The following NABP1 variants were observed in gnomAD, a reference collection of about 807,000 sequenced individuals.
The protein encoded by NABP1 is SOSS complex subunit B2.
NABP1 carries 18 observed loss-of-function variants against 25.0 expected under a neutral mutation model. The ratio of observed to expected loss-of-function variants is 0.72; its 90% CI spans 0.50 to 1.07. The LOEUF is 1.07. Among genes scored for constraint, NABP1 ranks in the 50% least tolerant of loss-of-function variants. NABP1 has a pLI of 0.00. For missense variants in NABP1, 270 were observed against 255.6 expected, an observed-to-expected ratio of 1.06 and a Z score of -0.39; for synonymous variants, 71 against 85.0, an observed-to-expected ratio of 0.84 and a Z score of 0.91.
chr2:191,680,882 G>A lies in NABP1; in HGVS notation c.231-1064G>A, dbSNP rs550952681. ...AACAACACACTCAGCTTGGAGTCTGGCTCATTCTAAGGCCCTTAAATTCTG... is the reference window on the plus strand; with the variant it reads ...AACAACACACTCAGCTTGGAGTCTGACTCATTCTAAGGCCCTTAAATTCTG... On this transcript the variant is annotated intron_variant, in intron 2 of 5. Transcript: ENST00000425611. Among the ~76,000 whole-genome samples, 6 of 152,212 alleles carry A rather than the reference G, an allele frequency of 3.9e-5. No individual in the cohort carries two copies. The South Asian group carries it at 1.2e-3, about 32-fold the overall frequency.
In NABP1 at chr2:191,683,716, T is replaced by A; in HGVS notation, c.303-13T>A. 6.2e-7 allele frequency: 1 copy of A among 1,602,644 alleles called. No homozygotes were observed. The highest frequency in any genetic ancestry group is 8.5e-7 in the Non-Finnish European group (1 of 1,171,144). The stretch of plus-strand genomic sequence containing the variant: ...TTCAGAAGTCATTTAATTTTTTCTT[T>A]ATTTTCTTTCAGATTTTGTATGGTT... On this transcript the variant is annotated splice_polypyrimidine_tract_variant and intron_variant, in intron 3 of 5. Coordinates refer to ENST00000425611, the MANE Select transcript of NABP1 (RefSeq NM_001031716.5). This position sits in a 1 kb window ranked among gnomAD's most constrained non-coding sequence, Gnocchi z 4.1.
In NABP1 at chr2:191,683,750, AG is replaced by A; in HGVS notation, c.325del (p.Val109CysfsTer28). On this transcript the variant is annotated frameshift_variant, in exon 4 of 6. Coordinates refer to ENST00000425611, the MANE Select transcript of NABP1 (RefSeq NM_001031716.5). LOFTEE classifies it high-confidence loss of function. The surrounding 1 kb of genome is among the most constrained non-coding windows in gnomAD (Gnocchi z 4.1). The stretch of plus-strand genomic sequence containing the variant: ...TCAGATTTTGTATGGTTTATTCAGA[AG>A]TGCCAAATTTCAGTGAACCCAACCC... ...IGEFCMVYSE[V>X]PNFSEPNPDY... 1 of 1,611,420 alleles carries A rather than the reference AG, an allele frequency of 6.2e-7. No homozygotes were observed. The highest frequency in any genetic ancestry group is 1.1e-5 in the South Asian group (1 of 90,214).
At chr2:191,679,150 G>A in intron 2 of NABP1, 22 bp downstream of exon 2, 5 of 1,613,998 alleles carry the variant, frequency 3.1e-6, no homozygotes, top group Non-Finnish European at 4.2e-6. Context: ...AAAAAGTCGG[G>A]GGACCTAACA....
chr2:191,682,300 AT>A (rs1687708445), intron 3 of NABP1: 1 of 378,858 alleles, frequency 2.6e-6, no homozygotes, highest in African/African-American at 2.1e-5. Context: ...AGAAATGTGC[AT>A]TTTTTAGGTG....
rs780776107 is a variant in NABP1 at position 191,678,714 on chromosome 2, G to A, written c.91+9G>A. 3.1e-6 allele frequency: 5 copies of A among 1,610,126 alleles called. No individual in the cohort carries two copies. The highest frequency in any genetic ancestry group is 3.4e-5 in the Admixed American group (2 of 59,696). On this transcript the variant is annotated intron_variant, in intron 1 of 5. Coordinates refer to ENST00000425611, the MANE Select transcript of NABP1 (RefSeq NM_001031716.5). ...TATTGTCCTGGAGATAGGTAAGTGG[G>A]GTTTGCAGCCTACTCCACCGCCCGC...
chr2:191,679,852 A>C (rs929378349), intron 2 of NABP1, among the ~76,000 whole-genome samples: 3 of 152,228 alleles, frequency 2.0e-5, no homozygotes, highest in Admixed American at 1.3e-4. Flanking sequence ...TGTTATTTAG[A>C]AATGTGGACA....
rs1002693482 is a variant in NABP1, at chr2:191,686,009, G to C, written c.*241G>C. The C allele has an allele frequency of 7.7e-6, 3 of 388,626 alleles. No homozygotes were observed. The highest frequency in any genetic ancestry group is 1.4e-5 in the Non-Finnish European group (3 of 216,682). The allele number at this position is 388,626 out of a possible 1,614,324, so 24.1% of individuals were successfully genotyped here. ...TTATTTTTAGAGTAAAAAGATTATT[G>C]GATAGCCTTTAAAAAACCTGCACCC... On this transcript the variant is annotated 3_prime_UTR_variant, in exon 6 of 6. Transcript: ENST00000425611.
chr2:191,678,785 C>A (rs191533452), intron 1 of NABP1, 80 bp downstream of exon 1: 28 of 1,379,354 alleles, frequency 2.0e-5, no homozygotes, highest in Non-Finnish European at 2.8e-5. Context: ...GCTGCGCGCC[C>A]GGGGCTCCCC....
chr2:191,683,469 T>G lies in NABP1; in HGVS notation c.303-260T>G. On this transcript the variant is annotated intron_variant, in intron 3 of 5. Transcript: ENST00000425611. This position sits in a 1 kb window ranked among gnomAD's most constrained non-coding sequence, Gnocchi z 4.1. Reference sequence around the variant, plus strand: ...ACAGAGATGTTTTTGTGTCCTTGATTTTTGATGTGATTTTTTTTTCAGCAC... The same window carrying G: ...ACAGAGATGTTTTTGTGTCCTTGATGTTTGATGTGATTTTTTTTTCAGCAC... 1 of 360,754 alleles carries G rather than the reference T, an allele frequency of 2.8e-6. No individual in the cohort carries two copies. The allele number at this position is 360,754 out of a possible 1,614,324, so 22.3% of individuals were successfully genotyped here. A position where few individuals can be genotyped will look rare whatever the true frequency, so the allele number is the denominator to read the frequency against.
chr2:191,682,366 G>A (rs1464394675), intron 3 of NABP1: 2 of 370,420 alleles, frequency 5.4e-6, no homozygotes, highest in African/African-American at 4.3e-5. Flanking sequence ...CATATACGAA[G>A]CTAGTGATTC....
rs1448495368 is a variant in NABP1, at chr2:191,683,308, A to G, written c.303-421A>G. On this transcript the variant is annotated intron_variant, in intron 3 of 5. Transcript: ENST00000425611. The surrounding 1 kb of genome is among the most constrained non-coding windows in gnomAD (Gnocchi z 4.1). The stretch of plus-strand genomic sequence containing the variant: ...TTTGCAGATCCACAGTGATCGATCA[A>G]AAGAGGGACTGAATGGGAGTGGGTG... 1 of 215,904 alleles carries G rather than the reference A, an allele frequency of 4.6e-6. No homozygotes were observed. Among genetic ancestry groups the G allele is most frequent in the Admixed American group, 5.4e-5 (1 of 18,578 alleles). The allele number at this position is 215,904 out of a possible 1,614,324, so 13.4% of individuals were successfully genotyped here.
rs138402221 is a variant in NABP1, at chr2:191,679,115, C to T, written c.217C>T (p.Arg73Trp). The T allele has an allele frequency of 2.0e-5, 33 of 1,613,944 alleles. No individual in the cohort carries two copies. The highest frequency in any genetic ancestry group is 2.7e-5 in the Non-Finnish European group (32 of 1,180,014). ...TCTTATACAGCCAGGGGATATTATT[C>T]GGTTGACCAGAGGGTAGGTGTGCAA... ...GGLIQPGDIIRLTRGYASMWK... is the reference protein window; with the variant it reads ...GGLIQPGDIIWLTRGYASMWK... The change falls in exon 2 of 6, where the codon CGG becomes TGG. Residue 73 changes from arginine to tryptophan, a missense_variant. Physicochemically the swap from Arg to Trp is moderately radical, Grantham distance 101. Transcript: ENST00000425611.
rs180775210 is a variant in NABP1, at chr2:191,681,850, C to A, written c.231-96C>A. 1.2e-4 allele frequency: 88 copies of A among 747,776 alleles called. No individual in the cohort carries two copies. The African/African-American group carries it at 1.6e-3, about 13-fold the overall frequency. 46.3% of individuals were successfully genotyped at this position (747,776 alleles called of 1,614,324 possible). On this transcript the variant is annotated intron_variant, in intron 2 of 5. Transcript: ENST00000425611. ...AGAGAGGGCTTGATCCTCACTTCTA[C>A]CTTAATACAAAAAATATATAGTGTG...
intron 5 of NABP1, chr2:191,685,025 A>G (rs926301789): frequency 6.6e-6 from 1 of 152,116 alleles, no homozygotes; most frequent in East Asian, 1.9e-4. Context: ...GCTAATTTTT[A>G]TATTTTTAAT....
intron 3 of NABP1, chr2:191,682,424 G>GAAT: frequency 2.2e-6 from 1 of 446,582 alleles, no homozygotes; most frequent in South Asian, 1.6e-5. Context: ...TATGGTTATG[G>GAAT]GTGAATATGT....
intron 2 of NABP1, among the ~76,000 whole-genome samples, chr2:191,681,279 A>G (rs1687678551): frequency 6.6e-6 from 1 of 152,224 alleles, no homozygotes; most frequent in Non-Finnish European, 1.5e-5. Flanking sequence ...GATTGATTTT[A>G]TAATATTAAT....
In NABP1 at chr2:191,683,813, G is replaced by A. The variant is rs1227280453; in HGVS notation, c.378+9G>A. On this transcript the variant is annotated intron_variant, in intron 4 of 5. Coordinates refer to ENST00000425611, the MANE Select transcript of NABP1 (RefSeq NM_001031716.5). This position sits in a 1 kb window ranked among gnomAD's most constrained non-coding sequence, Gnocchi z 4.1. ...GACAGCAGAACAAAGGGGTAATTGT[G>A]TAGTATACTTTTATGATTAGGCTAA... 1.3e-6 allele frequency: 2 copies of A among 1,597,442 alleles called. No individual in the cohort carries two copies. The highest frequency in any genetic ancestry group is 1.7e-6 in the Non-Finnish European group (2 of 1,172,618).
At chr2:191,681,446 C>G (rs2105642493) in intron 2 of NABP1, among the ~76,000 whole-genome samples, 1 of 152,110 alleles carries the variant, frequency 6.6e-6, no homozygotes, top group East Asian at 1.9e-4. Context: ...GCTTTGTGAC[C>G]TTAGTGTTTT....
chr2:191,679,676 A>T (rs1355945461), intron 2 of NABP1, among the ~76,000 whole-genome samples: 2 of 152,158 alleles, frequency 1.3e-5, no homozygotes, highest in Admixed American at 6.5e-5. Flanking sequence ...CACGCCCGGC[A>T]TAGATTTTTA....
Sources: gnomAD v4.1 joint callset for allele counts (sites outside exome capture counted in the v4.1 genomes callset) on GRCh38, gnomAD v4.1.1 for gene constraint, Gnocchi (gnomAD v3.1) non-coding constraint, MANE v1.5 for transcripts, NCBI Gene and HGNC (gene_info 2026-07-23, HGNC 2026-07-21) for gene names.